The following CPNE8 variants were observed in gnomAD, a reference collection of about 807,000 sequenced individuals.
CPNE8 encodes the protein copine 8, also known as copine-8.
Under a neutral mutation model 81.5 loss-of-function variants are expected in CPNE8, and 45 were observed. That is an observed-to-expected ratio of 0.55 (90% confidence interval 0.44 to 0.71). CPNE8 has a LOEUF of 0.71. CPNE8 is among the 30% of genes least tolerant of loss of function. The pLI is 0.00. For synonymous variants in CPNE8, 252 were observed against 226.3 expected, an observed-to-expected ratio of 1.11 and a Z score of -1.02; for missense variants, 594 against 672.1, an observed-to-expected ratio of 0.88 and a Z score of 1.28.
intron 10 of CPNE8, among the ~76,000 whole-genome samples, chr12:38,754,661 GAGCAAGAATT>G (rs1941422572): frequency 6.6e-6 from 1 of 151,412 alleles, no homozygotes; most frequent in Non-Finnish European, 1.5e-5. Context: ...TCTTTCTTGA[GAGCAAGAATT>G]ATAGATTAAA....
intron 5 of CPNE8, among the ~76,000 whole-genome samples, chr12:38,834,300 G>A (rs990484953): frequency 6.6e-6 from 1 of 151,984 alleles, no homozygotes; most frequent in African/African-American, 2.4e-5. Context: ...ATCTCCATTT[G>A]GATGCTTACT....
At chr12:38,666,221 A>T (rs1487927242) in intron 19 of CPNE8, among the ~76,000 whole-genome samples, 1 of 152,192 alleles carries the variant, frequency 6.6e-6, no homozygotes, top group East Asian at 1.9e-4. Flanking sequence ...TAATACAAAA[A>T]GGGTAATAGA....
At chr12:38,900,586 C>A (rs908624662) in intron 1 of CPNE8, among the ~76,000 whole-genome samples, 1 of 152,122 alleles carries the variant, frequency 6.6e-6, no homozygotes, top group Non-Finnish European at 1.5e-5. Flanking sequence ...AGGAGCACAG[C>A]CTAATCCAGA....
chr12:38,866,779 A>T (rs916941971), intron 3 of CPNE8, among the ~76,000 whole-genome samples: 3 of 152,180 alleles, frequency 2.0e-5, no homozygotes, highest in African/African-American at 7.2e-5. Flanking sequence ...TAAATTCTGA[A>T]ACCATGACGT....
intron 3 of CPNE8, among the ~76,000 whole-genome samples, chr12:38,863,566 ATAG>A (rs1381940644): frequency 1.3e-5 from 2 of 152,210 alleles, no homozygotes; most frequent in East Asian, 3.8e-4. Context: ...ATTCTAACAA[ATAG>A]TAGCAAAGCC....
chr12:38,869,669 T>C (rs1291054698), intron 3 of CPNE8, among the ~76,000 whole-genome samples: 1 of 152,172 alleles, frequency 6.6e-6, no homozygotes, highest in Non-Finnish European at 1.5e-5. Flanking sequence ...CATTCTCTCT[T>C]TAATACTTTT....
intron 19 of CPNE8, among the ~76,000 whole-genome samples, chr12:38,662,087 A>C (rs1335169718): frequency 6.6e-6 from 1 of 152,170 alleles, no homozygotes; most frequent in Non-Finnish European, 1.5e-5. Flanking sequence ...TTCCTCAAAG[A>C]ACTTGAACAA....
At chr12:38,881,601 G>A (rs1359400832) in intron 1 of CPNE8, among the ~76,000 whole-genome samples, 3 of 152,208 alleles carry the variant, frequency 2.0e-5, no homozygotes, top group Non-Finnish European at 4.4e-5. Context: ...ACCTTTGCAT[G>A]GGTGAATTTG....
chr12:38,711,222 C>T (rs1464887536), intron 13 of CPNE8, among the ~76,000 whole-genome samples: 1 of 152,146 alleles, frequency 6.6e-6, no homozygotes, highest in African/African-American at 2.4e-5. Context: ...TTTCAGTTTT[C>T]ACTGTGTGTG....
chr12:38,812,647 A>G (rs563155334), intron 6 of CPNE8, among the ~76,000 whole-genome samples: 4 of 152,298 alleles, frequency 2.6e-5, no homozygotes, highest in Admixed American at 6.5e-5. Flanking sequence ...TGGCCAAACC[A>G]TATCAGTTGG....
At chr12:38,807,892 C>A (rs564727247) in intron 6 of CPNE8, among the ~76,000 whole-genome samples, 6,912 of 150,074 alleles carry the variant, frequency 0.046, 203 homozygotes, top group Non-Finnish European at 0.069. Flanking sequence ...CAATGAACTC[C>A]AACAAATTTA....
At chr12:38,879,697 A>G (rs1356060625) in intron 1 of CPNE8, among the ~76,000 whole-genome samples, 1 of 152,174 alleles carries the variant, frequency 6.6e-6, no homozygotes, top group African/African-American at 2.4e-5. Flanking sequence ...AAATATCATT[A>G]TCCTTCCACA....
intron 13 of CPNE8, among the ~76,000 whole-genome samples, chr12:38,707,667 G>C (rs887038958): frequency 6.6e-6 from 1 of 152,186 alleles, no homozygotes; most frequent in Non-Finnish European, 1.5e-5. Context: ...TTTGATGACT[G>C]ATTGATGACA....
At chr12:38,677,088 A>G (rs1235908623) in intron 17 of CPNE8, among the ~76,000 whole-genome samples, 1 of 152,200 alleles carries the variant, frequency 6.6e-6, no homozygotes. Context: ...GCAATTAGCT[A>G]TCATAGTTCT....
intron 18 of CPNE8, among the ~76,000 whole-genome samples, chr12:38,671,355 G>T (rs1939171890): frequency 6.6e-6 from 1 of 151,870 alleles, no homozygotes; most frequent in African/African-American, 2.4e-5. Context: ...CATTTTCTCT[G>T]CTCTTATACT....
intron 6 of CPNE8, among the ~76,000 whole-genome samples, chr12:38,818,250 G>C (rs1024903881): frequency 1.2e-4 from 19 of 152,018 alleles, no homozygotes; most frequent in African/African-American, 4.4e-4. Flanking sequence ...AGCCCCACAT[G>C]CATTAGGTGT....
chr12:38,767,732 C>A lies in CPNE8; in HGVS notation c.478G>T (p.Val160Phe). ...AEELNCCRDA[V>F]LMQFCANKLD... ...TTGTTCGCACAAAATTGCATCAAAACGGCATCCTAAAAACAAAATTAATAA... is the reference window on the plus strand; with the variant it reads ...TTGTTCGCACAAAATTGCATCAAAAAGGCATCCTAAAAACAAAATTAATAA... Residue 160 changes from valine to phenylalanine, a missense_variant, in exon 8 of 20, where the codon GTT becomes TTT. By Grantham distance (50) the Val-to-Phe change is conservative. Coordinates refer to ENST00000331366, the MANE Select transcript of CPNE8 (RefSeq NM_153634.3). 1 of 1,541,424 alleles carries A rather than the reference C, an allele frequency of 6.5e-7. No individual in the cohort carries two copies. The highest frequency in any genetic ancestry group is 2.1e-5 in the Admixed American group (1 of 46,882).
At chr12:38,669,318 CTT>C (rs1333095065) in intron 19 of CPNE8, among the ~76,000 whole-genome samples, 3 of 152,078 alleles carry the variant, frequency 2.0e-5, no homozygotes, top group African/African-American at 4.8e-5. Flanking sequence ...CAATGTTACT[CTT>C]TATATTATCA....
intron 4 of CPNE8, 101 bp downstream of exon 4, chr12:38,848,458 A>G: frequency 1.4e-6 from 2 of 1,414,174 alleles, no homozygotes; most frequent in Non-Finnish European, 1.8e-6. Flanking sequence ...TTTCCTGCCA[A>G]TATAATCTAG....
Sources: allele counts gnomAD v4.1 joint callset (sites outside exome capture counted in the v4.1 genomes callset), GRCh38; gene constraint gnomAD v4.1.1; transcripts MANE v1.5; gene names NCBI Gene and HGNC (gene_info 2026-07-23, HGNC 2026-07-21).